NDUFAF2: variants seen among roughly 807,000 people sequenced by gnomAD.
NDUFAF2 encodes the protein NADH dehydrogenase [ubiquinone] 1 alpha subcomplex assembly factor 2.
Under a neutral mutation model 22.8 loss-of-function variants are expected in NDUFAF2, and 13 were observed. The ratio of observed to expected loss-of-function variants is 0.57; its 90% CI spans 0.37 to 0.91. NDUFAF2 has a LOEUF of 0.91. NDUFAF2 is among the 40% of genes least tolerant of loss of function. The probability of loss-of-function intolerance (pLI) is 0.01; values close to 1 mark genes in which losing one functional copy is unlikely to be tolerated. For synonymous variants in NDUFAF2, 53 were observed against 64.2 expected, an observed-to-expected ratio of 0.83 and a Z score of 0.84; for missense variants, 162 against 195.2, an observed-to-expected ratio of 0.83 and a Z score of 1.01.
At chr5:61,122,942 G>A (rs1752993997) in intron 3 of NDUFAF2, among the ~76,000 whole-genome samples, 1 of 152,092 alleles carries the variant, frequency 6.6e-6, no homozygotes, top group Admixed American at 6.6e-5. Context: ...AAGTGTGAGA[G>A]GGTTAACATA....
At chr5:60,952,004 G>T (rs925815515) in intron 1 of NDUFAF2, among the ~76,000 whole-genome samples, 4 of 150,782 alleles carry the variant, frequency 2.7e-5, no homozygotes, top group Non-Finnish European at 5.9e-5. Flanking sequence ...TGAATTTACA[G>T]TCATAAAGTT....
intron 1 of NDUFAF2, among the ~76,000 whole-genome samples, chr5:60,950,523 T>G (rs1750530169): frequency 6.6e-6 from 1 of 152,254 alleles, no homozygotes; most frequent in African/African-American, 2.4e-5. Context: ...TAGCTATAAT[T>G]TTTTAGATAC....
Position 61,151,079 on chromosome 5 carries a change from T to A in NDUFAF2, c.259-1625T>A, listed in dbSNP as rs759511770. On this transcript the variant is annotated intron_variant, in intron 3 of 3. Coordinates refer to ENST00000296597, the MANE Select transcript of NDUFAF2 (RefSeq NM_174889.5). ...TATTTGCTTTGAGGGAGAAGTTTCA[T>A]TAGATGGGCCCTTCTTCACATCTAA... 4.9e-4 allele frequency among the ~76,000 whole-genome samples: 75 copies of A among 152,322 alleles called. 2 individuals are homozygous for A. The highest frequency in any genetic ancestry group is 3.3e-3 in the Admixed American group (51 of 15,300).
intron 3 of NDUFAF2, among the ~76,000 whole-genome samples, chr5:61,100,715 T>G (rs1752695642): frequency 6.6e-6 from 1 of 152,118 alleles, no homozygotes; most frequent in Non-Finnish European, 1.5e-5. Context: ...GTGAGTTCCT[T>G]TTTTTCCTTG....
intron 3 of NDUFAF2, among the ~76,000 whole-genome samples, chr5:61,107,044 T>TACACACACACACACACACAC (rs71578646): frequency 4.0e-3 from 256 of 64,722 alleles, no homozygotes; most frequent in Non-Finnish European, 5.7e-3. Context: ...TTTGGATAAA[T>TACACACACACACACACACAC]ATACACACAC....
chr5:61,110,121 C>T (rs1202873092), intron 3 of NDUFAF2, among the ~76,000 whole-genome samples: 1 of 152,060 alleles, frequency 6.6e-6, no homozygotes, highest in East Asian at 1.9e-4. Flanking sequence ...TATGTTGAAC[C>T]ATCTTTGCAT....
At chr5:60,955,789 A>G (rs1338916267) in intron 1 of NDUFAF2, among the ~76,000 whole-genome samples, 3 of 151,920 alleles carry the variant, frequency 2.0e-5, no homozygotes, top group Non-Finnish European at 2.9e-5. Context: ...TAAGTCTTTC[A>G]CTTCCTTAGT....
At chr5:61,021,000 T>TC (rs1424931812) in intron 1 of NDUFAF2, among the ~76,000 whole-genome samples, 9 of 151,736 alleles carry the variant, frequency 5.9e-5, no homozygotes, top group African/African-American at 1.9e-4. Context: ...AGCCTTTTTT[T>TC]TTTTTTTTTT....
rs1467377449 is a variant in NDUFAF2 at position 61,100,562 on chromosome 5, C to G, written c.258+1530C>G. On this transcript the variant is annotated intron_variant, in intron 3 of 3. Transcript: ENST00000296597. Reference sequence around the variant, plus strand: ...ACACACACACACACACACACACACTCTTTTCCTTCCTCTTGGCCCTTTCCA... The same window carrying G: ...ACACACACACACACACACACACACTGTTTTCCTTCCTCTTGGCCCTTTCCA... Among the ~76,000 whole-genome samples the G allele has an allele frequency of 2.0e-5, 3 of 149,676 alleles. 1 individual carries two copies. Among genetic ancestry groups the G allele is most frequent in the Admixed American group, 2.0e-4 (3 of 14,976 alleles).
chr5:61,042,029 C>G (rs1240323237), intron 1 of NDUFAF2, among the ~76,000 whole-genome samples: 1 of 152,008 alleles, frequency 6.6e-6, no homozygotes, highest in East Asian at 1.9e-4. Flanking sequence ...CAGGTATGAC[C>G]ACGTAGATTT....
chr5:61,096,012 CTT>C (rs1752635235), intron 2 of NDUFAF2, among the ~76,000 whole-genome samples: 1 of 152,090 alleles, frequency 6.6e-6, no homozygotes, highest in African/African-American at 2.4e-5. Flanking sequence ...ATCTAAGTAA[CTT>C]TAATTTGGGC....
intron 2 of NDUFAF2, 105 bp downstream of exon 2, chr5:61,073,319 A>G (rs1349581706): frequency 2.3e-6 from 2 of 871,338 alleles, no homozygotes; most frequent in East Asian, 4.9e-5. Flanking sequence ...TTTGCAAAAA[A>G]GTTTTAGTGT....
chr5:61,082,144 A>C (rs1196208658), intron 2 of NDUFAF2, among the ~76,000 whole-genome samples: 1 of 152,230 alleles, frequency 6.6e-6, no homozygotes, highest in Non-Finnish European at 1.5e-5. Flanking sequence ...AAAAATGTGC[A>C]TGAGTGTAAG....
intron 1 of NDUFAF2, among the ~76,000 whole-genome samples, chr5:61,045,912 A>G (rs1163553994): frequency 6.6e-6 from 1 of 152,132 alleles, no homozygotes; most frequent in Non-Finnish European, 1.5e-5. Flanking sequence ...TTAGAGGAAA[A>G]GCTTTCAACT....
chr5:61,032,687 A>C (rs977972224), intron 1 of NDUFAF2, among the ~76,000 whole-genome samples: 15 of 152,174 alleles, frequency 9.9e-5, no homozygotes, highest in Non-Finnish European at 1.8e-4. Context: ...CTTTTTGCTT[A>C]GGATTGTCTT....
At chr5:61,009,112 A>G (rs1380488155) in intron 1 of NDUFAF2, among the ~76,000 whole-genome samples, 1 of 152,068 alleles carries the variant, frequency 6.6e-6, no homozygotes, top group Non-Finnish European at 1.5e-5. Flanking sequence ...TTTTTAAAAA[A>G]TTGAAAATCG....
chr5:61,152,390 T>C (rs1252648909), intron 3 of NDUFAF2, among the ~76,000 whole-genome samples: 1 of 152,202 alleles, frequency 6.6e-6, no homozygotes, highest in African/African-American at 2.4e-5. Flanking sequence ...TTAGGAAATC[T>C]TTCATAGAGT....
intron 1 of NDUFAF2, among the ~76,000 whole-genome samples, chr5:60,995,734 G>A (rs969417340): frequency 3.9e-5 from 6 of 152,210 alleles, no homozygotes; most frequent in African/African-American, 1.4e-4. Flanking sequence ...CAATCAGCAG[G>A]TGAAAGCCAG....
chr5:61,103,498 T>G (rs1304157074), intron 3 of NDUFAF2, among the ~76,000 whole-genome samples: 1 of 152,126 alleles, frequency 6.6e-6, no homozygotes, highest in Non-Finnish European at 1.5e-5. Context: ...ATATTAAAAT[T>G]CTGTGTTTTA....
Sources: gnomAD v4.1 joint callset for allele counts (sites outside exome capture counted in the v4.1 genomes callset) on GRCh38, gnomAD v4.1.1 for gene constraint, MANE v1.5 for transcripts, NCBI Gene and HGNC (gene_info 2026-07-23, HGNC 2026-07-21) for gene names.